SUGCT: variants seen among roughly 807,000 people sequenced by gnomAD.
SUGCT encodes the protein succinyl-CoA:glutarate-CoA transferase, also known as succinyl-CoA:glutarate CoA-transferase.
Under a neutral mutation model 55.0 loss-of-function variants are expected in SUGCT, and 41 were observed. That is an observed-to-expected ratio of 0.74 (90% CI 0.58 to 0.97). The LOEUF (loss-of-function observed/expected upper bound fraction) is 0.97. Ranked by LOEUF, SUGCT falls within the 50% of genes least tolerant of loss-of-function variation. The pLI is 0.00. For missense variants in SUGCT, 568 were observed against 547.8 expected, an observed-to-expected ratio of 1.04 and a Z score of -0.37; for synonymous variants, 187 against 200.4, an observed-to-expected ratio of 0.93 and a Z score of 0.56.
At chr7:40,437,251 T>G (rs1300166571) in intron 9 of SUGCT, among the ~76,000 whole-genome samples, 1 of 151,994 alleles carries the variant, frequency 6.6e-6, no homozygotes, top group Non-Finnish European at 1.5e-5. Context: ...AGAAATGGAG[T>G]GATTGAAAAT....
intron 13 of SUGCT, among the ~76,000 whole-genome samples, chr7:40,781,827 C>T (rs1385106364): frequency 6.6e-6 from 1 of 152,088 alleles, no homozygotes; most frequent in African/African-American, 2.4e-5. Context: ...TCCCTGTTTT[C>T]ATCTTCTTTC....
intron 12 of SUGCT, chr7:40,538,587 A>G (rs1016155277): frequency 6.6e-6 from 1 of 152,242 alleles, no homozygotes; most frequent in African/African-American, 2.4e-5. Flanking sequence ...AAAACAAAAT[A>G]AGCACCATTG....
intron 12 of SUGCT, among the ~76,000 whole-genome samples, chr7:40,596,655 A>G (rs761920761): frequency 2.6e-5 from 4 of 152,156 alleles, no homozygotes; most frequent in Non-Finnish European, 5.9e-5. Flanking sequence ...TTCATTGAAC[A>G]CTGGGGGTCT....
At chr7:40,438,731 T>C (rs1370951895) in intron 9 of SUGCT, among the ~76,000 whole-genome samples, 1 of 151,934 alleles carries the variant, frequency 6.6e-6, no homozygotes, top group East Asian at 1.9e-4. Flanking sequence ...TCGCTGCGTA[T>C]GATTTGAGCT....
chr7:40,755,270 G>T (rs1215528126), intron 13 of SUGCT, among the ~76,000 whole-genome samples: 1 of 152,192 alleles, frequency 6.6e-6, no homozygotes, highest in Non-Finnish European at 1.5e-5. Context: ...TGTTCTCATG[G>T]ATTGATTTTA....
At chr7:40,717,655 A>G (rs1468129695) in intron 12 of SUGCT, among the ~76,000 whole-genome samples, 1 of 152,186 alleles carries the variant, frequency 6.6e-6, no homozygotes, top group Admixed American at 6.5e-5. Flanking sequence ...AACAATTTAA[A>G]CGCACAGAAA....
rs59090658 is a variant in SUGCT at position 40,665,432 on chromosome 7, A to AAAATAAATAAAT, written c.1090-83966_1090-83955dup. Among the ~76,000 whole-genome samples the AAAATAAATAAAT allele has an allele frequency of 3.5e-3, 495 of 140,472 alleles. 3 individuals carry two copies. The highest frequency in any genetic ancestry group is 9.3e-3 in the African/African-American group (352 of 37,884). The allele number at this position is 140,472 out of a possible 152,430, so 92.2% of individuals were successfully genotyped here. On this transcript the variant is annotated intron_variant, in intron 12 of 13. Transcript: ENST00000335693. ...CGACAAAAGTGAAACTCTATCTCAA[A>AAAATAAATAAAT]AAATAAATAAATAAATAAATAAATA...
chr7:40,895,605 GAACA>G, the SUGCT span, among the ~76,000 whole-genome samples: 4 of 151,798 alleles, frequency 2.6e-5, no homozygotes, highest in South Asian at 2.1e-4. Context: ...TTGATTATCT[GAACA>G]GACACAGAAA....
intron 12 of SUGCT, among the ~76,000 whole-genome samples, chr7:40,737,292 A>T (rs1787213669): frequency 6.6e-6 from 1 of 152,218 alleles, no homozygotes; most frequent in African/African-American, 2.4e-5. Context: ...TACCAAGAGA[A>T]AATCAATATA....
intron 2 of SUGCT, among the ~76,000 whole-genome samples, 172 bp from the exon 3 acceptor site, chr7:40,181,783 G>A (rs535147576): frequency 1.3e-5 from 2 of 151,868 alleles, no homozygotes; most frequent in South Asian, 2.1e-4. Context: ...TAGGATCAAA[G>A]GGGATATATA....
chr7:40,674,152 A>G (rs1802079487), intron 12 of SUGCT, among the ~76,000 whole-genome samples: 1 of 152,274 alleles, frequency 6.6e-6, no homozygotes, highest in Non-Finnish European at 1.5e-5. Context: ...TGTTATTGTT[A>G]AAGTACCAAG....
intron 12 of SUGCT, among the ~76,000 whole-genome samples, chr7:40,685,502 A>G (rs953725416): frequency 2.6e-5 from 4 of 152,144 alleles, no homozygotes; most frequent in African/African-American, 9.7e-5. Context: ...TTTTGCATGC[A>G]TCTTTATCCC....
the SUGCT span, among the ~76,000 whole-genome samples, chr7:40,881,538 G>T: frequency 6.6e-6 from 1 of 152,188 alleles, no homozygotes; most frequent in East Asian, 1.9e-4. Context: ...CATATCAAAT[G>T]CTCCTTTTAT....
intron 2 of SUGCT, among the ~76,000 whole-genome samples, chr7:40,181,481 C>T (rs1415337656): frequency 6.6e-6 from 1 of 152,088 alleles, no homozygotes; most frequent in African/African-American, 2.4e-5. Flanking sequence ...CGCGGTGGCT[C>T]ACGCCTGTAA....
At chr7:40,505,561 A>G (rs1477788015) in intron 12 of SUGCT, among the ~76,000 whole-genome samples, 1 of 152,124 alleles carries the variant, frequency 6.6e-6, no homozygotes, top group Non-Finnish European at 1.5e-5. Flanking sequence ...TGTAATATGC[A>G]TCTCAATTTA....
At chr7:40,637,581 C>G (rs771183377) in intron 12 of SUGCT, among the ~76,000 whole-genome samples, 9 of 152,210 alleles carry the variant, frequency 5.9e-5, no homozygotes, top group Non-Finnish European at 1.2e-4. Context: ...GAACACATGG[C>G]TCTCTAGACT....
intron 5 of SUGCT, 22 bp downstream of exon 5, chr7:40,189,616 G>A (rs1785774153): frequency 7.4e-7 from 1 of 1,354,982 alleles, no homozygotes; most frequent in Non-Finnish European, 9.8e-7. Context: ...TGTATAGAAA[G>A]CATCCTACCA....
intron 9 of SUGCT, among the ~76,000 whole-genome samples, chr7:40,371,118 A>T (rs1408979099): frequency 6.6e-6 from 1 of 152,160 alleles, no homozygotes; most frequent in Non-Finnish European, 1.5e-5. Flanking sequence ...AAAATGCCAG[A>T]AGGGAAGAGT....
At chr7:40,453,080 G>A (rs565603138) in intron 10 of SUGCT, among the ~76,000 whole-genome samples, 4 of 152,122 alleles carry the variant, frequency 2.6e-5, no homozygotes, top group South Asian at 2.1e-4. Context: ...CTTTATTCCC[G>A]GTGCAAAGAA....
Sources: gnomAD v4.1 joint callset for allele counts (sites outside exome capture counted in the v4.1 genomes callset) on GRCh38, gnomAD v4.1.1 for gene constraint, MANE v1.5 for transcripts, NCBI Gene and HGNC (gene_info 2026-07-23, HGNC 2026-07-21) for gene names.